HSD17B4: variants seen among roughly 807,000 people sequenced by gnomAD.
HSD17B4 encodes peroxisomal multifunctional enzyme type 2.
In HSD17B4, 70 loss-of-function variants were observed where a neutral mutation model predicts 101.0. The observed-to-expected ratio is 0.69, with a 90% CI of 0.57 to 0.85. HSD17B4 has a LOEUF of 0.85. HSD17B4 is among the 40% of genes least tolerant of loss of function. The probability of loss-of-function intolerance (pLI) is 0.00; values close to 1 mark genes in which losing one functional copy is unlikely to be tolerated. For synonymous variants in HSD17B4, 347 were observed against 297.1 expected (o/e 1.17, Z -1.73); for missense variants, 984 against 892.4 (o/e 1.10, Z -1.31).
At chr5:119,487,889 T>C (rs1749748303) in intron 8 of HSD17B4, among the ~76,000 whole-genome samples, 1 of 152,176 alleles carries the variant, frequency 6.6e-6, no homozygotes, top group Non-Finnish European at 1.5e-5. Context: ...GTCTTCCTTT[T>C]GTTTTTTCCT....
chr5:119,496,650 A>T lies in HSD17B4; in HGVS notation c.972+4A>T. 6.5e-7 allele frequency: 1 copy of T among 1,537,392 alleles called. No individual in the cohort carries two copies. Among genetic ancestry groups the T allele is most frequent in the Non-Finnish European group, 9.0e-7 (1 of 1,109,994 alleles). ...GTCTACAGCAACATCAGGATTTGTAAGTGGGAAAAAAGCCTAAAGCGTTTG... is the reference window on the plus strand; with the variant it reads ...GTCTACAGCAACATCAGGATTTGTATGTGGGAAAAAAGCCTAAAGCGTTTG... On this transcript the variant is annotated splice_donor_region_variant and intron_variant, in intron 12 of 23. Transcript: ENST00000510025.
At chr5:119,487,562 C>A (rs1489676655) in intron 8 of HSD17B4, among the ~76,000 whole-genome samples, 1 of 151,876 alleles carries the variant, frequency 6.6e-6, no homozygotes, top group Non-Finnish European at 1.5e-5. Context: ...AACTGGAAAG[C>A]AAGAATATTT....
intron 18 of HSD17B4, chr5:119,525,607 A>G (rs1753516270): frequency 1.9e-6 from 1 of 517,490 alleles, no homozygotes; most frequent in Non-Finnish European, 3.5e-6. Flanking sequence ...GGGAAGGATC[A>G]TGTACCTGTG....
chr5:119,477,608 A>G, intron 7 of HSD17B4, 107 bp downstream of exon 7: 2 of 824,008 alleles, frequency 2.4e-6, no homozygotes, highest in Admixed American at 3.5e-5. Flanking sequence ...TATGACATTG[A>G]GGAATATGTA....
intron 19 of HSD17B4, among the ~76,000 whole-genome samples, chr5:119,526,507 A>G (rs1197768512): frequency 1.3e-5 from 2 of 151,954 alleles, no homozygotes; most frequent in African/African-American, 4.8e-5. Context: ...ATCCATGCCC[A>G]TATTATTTTT....
intron 22 of HSD17B4, among the ~76,000 whole-genome samples, chr5:119,532,986 A>T (rs1471691839): frequency 6.6e-6 from 1 of 152,104 alleles, no homozygotes; most frequent in Admixed American, 6.6e-5. Context: ...ACGTTTATAG[A>T]TTGTTGCACC....
Position 119,475,723 on chromosome 5 carries a change from G to A in HSD17B4, c.298G>A (p.Ala100Thr). 1 of 1,597,902 alleles carries A rather than the reference G, an allele frequency of 6.3e-7. No homozygotes were observed. Among genetic ancestry groups the A allele is most frequent in the Non-Finnish European group, 8.6e-7 (1 of 1,166,854 alleles). ...TATTGTAGATGTTGTGGTCAACAATGCTGGGTGAGTATTTCTTTTTCATTT... is the reference window on the plus strand; with the variant it reads ...TATTGTAGATGTTGTGGTCAACAATACTGGGTGAGTATTTCTTTTTCATTT... ...FGRIDVVVNN[A>T]GILRDRSFAR... Residue 100 changes from alanine to threonine, a missense_variant, in exon 5 of 24, where the codon GCT becomes ACT. By Grantham distance (58) the Ala-to-Thr change is moderately conservative. Transcript: ENST00000510025.
chr5:119,463,062 A>G (rs1755425592), intron 2 of HSD17B4, among the ~76,000 whole-genome samples: 1 of 152,162 alleles, frequency 6.6e-6, no homozygotes, highest in Admixed American at 6.5e-5. Flanking sequence ...TACTTCTGTG[A>G]GATCAACTTA....
chr5:119,494,669 T>A (rs979351495), intron 11 of HSD17B4, among the ~76,000 whole-genome samples: 7 of 152,146 alleles, frequency 4.6e-5, no homozygotes, highest in Non-Finnish European at 8.8e-5. Context: ...GTTCTCCACT[T>A]CTTTTGTTTC....
At chr5:119,483,484 C>G in intron 8 of HSD17B4, among the ~76,000 whole-genome samples, 1 of 152,050 alleles carries the variant, frequency 6.6e-6, no homozygotes, top group East Asian at 1.9e-4. Flanking sequence ...TTATTATTAT[C>G]TTTTCCCATA....
At chr5:119,534,393 T>G (rs1281628751) in intron 22 of HSD17B4, among the ~76,000 whole-genome samples, 1 of 152,090 alleles carries the variant, frequency 6.6e-6, no homozygotes, top group Non-Finnish European at 1.5e-5. Context: ...ATGTACTGTA[T>G]GATGATGTGA....
At chr5:119,523,730 T>TA (rs1246107610) in intron 17 of HSD17B4, among the ~76,000 whole-genome samples, 4 of 152,192 alleles carry the variant, frequency 2.6e-5, no homozygotes, top group African/African-American at 9.6e-5. Context: ...CTATAATCTT[T>TA]AAAAAATAAC....
At chr5:119,476,628 T>G in intron 6 of HSD17B4, 1 of 985,018 alleles carries the variant, frequency 1.0e-6, no homozygotes, top group South Asian at 4.7e-5. Flanking sequence ...CTGCTTCCCT[T>G]GTAACAACTG....
At chr5:119,526,390 G>T (rs1753605619) in intron 19 of HSD17B4, among the ~76,000 whole-genome samples, 2 of 151,590 alleles carry the variant, frequency 1.3e-5, no homozygotes, top group Non-Finnish European at 2.9e-5. Flanking sequence ...GGCTGATTAA[G>T]TCCAATAAAC....
chr5:119,479,107 T>A, intron 8 of HSD17B4, 86 bp downstream of exon 8: 1 of 970,028 alleles, frequency 1.0e-6, no homozygotes. Flanking sequence ...ATTTTCTGAA[T>A]ACTTAAAAAT....
intron 15 of HSD17B4, 93 bp from the exon 16 acceptor site, chr5:119,509,048 A>G: frequency 3.9e-6 from 3 of 764,238 alleles, no homozygotes; most frequent in Non-Finnish European, 6.9e-6. Flanking sequence ...TTTGTTTTTG[A>G]AACCTTGACA....
intron 2 of HSD17B4, among the ~76,000 whole-genome samples, chr5:119,465,538 C>T (rs1013209082): frequency 3.3e-5 from 5 of 152,330 alleles, no homozygotes; most frequent in East Asian, 1.9e-4. Flanking sequence ...TCTGCCTGTA[C>T]AGCCCACAGA....
chr5:119,531,059 C>A (rs1754051835), intron 21 of HSD17B4, among the ~76,000 whole-genome samples: 1 of 151,822 alleles, frequency 6.6e-6, no homozygotes. Flanking sequence ...TTTCTGAATT[C>A]TAATAAAAGT....
At position 119,475,734 on chromosome 5, in the gene HSD17B4, A is replaced by G. The variant is rs1027525354; in HGVS notation, c.302+7A>G. On this transcript the variant is annotated splice_region_variant and intron_variant, in intron 5 of 23. Transcript: ENST00000510025. ...TTGTGGTCAACAATGCTGGGTGAGT[A>G]TTTCTTTTTCATTTTTAGTGATGTG... 13 of 1,596,340 alleles carry G rather than the reference A, an allele frequency of 8.1e-6. No individual in the cohort carries two copies. The highest frequency in any genetic ancestry group is 9.4e-6 in the Non-Finnish European group (11 of 1,165,306).
Sources: allele counts gnomAD v4.1 joint callset (sites outside exome capture counted in the v4.1 genomes callset), GRCh38; gene constraint gnomAD v4.1.1; transcripts MANE v1.5; gene names NCBI Gene and HGNC (gene_info 2026-07-23, HGNC 2026-07-21).